Variants in ANKRA2 observed in about 807,000 individuals in gnomAD.
ANKRA2 encodes the protein ankyrin repeat family A protein 2.
A neutral mutation model predicts 37.8 loss-of-function variants in ANKRA2; 33 were observed. The observed-to-expected ratio is 0.87, with a 90% confidence interval of 0.66 to 1.17. ANKRA2 has a LOEUF of 1.17. Among genes scored for constraint, ANKRA2 ranks in the 50% most tolerant of loss-of-function variants. The pLI, the probability that ANKRA2 is intolerant of heterozygous loss-of-function variation, is 0.00. For synonymous variants in ANKRA2, 126 were observed against 132.3 expected (o/e 0.95, Z 0.33); for missense variants, 326 against 373.7 (o/e 0.87, Z 1.05).
chr5:73,560,284 C>T (rs1382534848), intron 3 of ANKRA2, among the ~76,000 whole-genome samples: 1 of 152,162 alleles, frequency 6.6e-6, no homozygotes, highest in Non-Finnish European at 1.5e-5. Flanking sequence ...TATCACCTCA[C>T]ATACTTATTT....
chr5:73,560,772 T>C lies in ANKRA2; in HGVS notation c.448+358A>G, dbSNP rs935707447. Among the ~76,000 whole-genome samples the C allele has an allele frequency of 6.6e-5, 10 of 152,356 alleles. No individual in the cohort carries two copies. The East Asian group carries it at 1.9e-3, about 29-fold the overall frequency. ...TGTCTAGCTAAAACTTTGTATCCTT[T>C]GATCAGTATCTCTACCTTTTCAGCA... On this transcript the variant is annotated intron_variant, in intron 3 of 8. Transcript: ENST00000296785.
chr5:73,564,219 C>CATTA (rs1471738031), intron 1 of ANKRA2, among the ~76,000 whole-genome samples: 2 of 152,070 alleles, frequency 1.3e-5, no homozygotes, highest in Non-Finnish European at 2.9e-5. Context: ...ATGTGCAATG[C>CATTA]ATTAGTCCAT....
intron 4 of ANKRA2, among the ~76,000 whole-genome samples, chr5:73,556,677 G>GA (rs1380266529): frequency 2.0e-4 from 31 of 151,996 alleles, no homozygotes; most frequent in Middle Eastern, 3.4e-3. Context: ...GAAGTCAAAG[G>GA]AAAAATGACA....
intron 3 of ANKRA2, among the ~76,000 whole-genome samples, chr5:73,560,671 C>G (rs998009934): frequency 2.0e-5 from 3 of 152,164 alleles, no homozygotes; most frequent in African/African-American, 7.2e-5. Context: ...CAGGTGTGAG[C>G]CACCATGCCC....
rs1309597774 is a variant in ANKRA2 at position 73,565,523 on chromosome 5, C to CT, written c.-497dup. ...GTTTTCTTTTTTTTGTCCCTCTCTC[C>CT]TTTTTTTTAATATTTTTGTTTTTGC... On this transcript the variant is annotated 5_prime_UTR_variant, in exon 1 of 9. Transcript: ENST00000296785. 18 of 254,760 alleles carry CT rather than the reference C, an allele frequency of 7.1e-5. No homozygotes were observed. The highest frequency in any genetic ancestry group is 2.2e-4 in the East Asian group (2 of 9,276). The allele number at this position is 254,760 out of a possible 1,614,324, so 15.8% of individuals were successfully genotyped here.
intron 2 of ANKRA2, 54 bp from the exon 3 acceptor site, chr5:73,561,342 G>A: frequency 6.7e-7 from 1 of 1,502,422 alleles, no homozygotes; most frequent in East Asian, 2.3e-5. Flanking sequence ...AGAGTTCTAT[G>A]TCAATGTCTA....
rs1386752228 is a variant in ANKRA2 at position 73,562,930 on chromosome 5, C to G, written c.-49G>C. 1 of 1,521,068 alleles carries G rather than the reference C, an allele frequency of 6.6e-7. No homozygotes were observed. The highest frequency in any genetic ancestry group is 2.0e-5 in the Admixed American group (1 of 49,662). 94.2% of individuals were successfully genotyped at this position (1,521,068 alleles called of 1,614,324 possible). A position where few individuals can be genotyped will look rare whatever the true frequency, so the allele number is the denominator to read the frequency against. On this transcript the variant is annotated 5_prime_UTR_variant, in exon 2 of 9. Coordinates refer to ENST00000296785, the MANE Select transcript of ANKRA2 (RefSeq NM_023039.5). Reference sequence around the variant, plus strand: ...CTAAAACATTTCTTCATGATTTCCTCTTGGTTTTGTAAGAGCAGTATCCAG... The same window carrying G: ...CTAAAACATTTCTTCATGATTTCCTGTTGGTTTTGTAAGAGCAGTATCCAG...
chr5:73,561,951 T>C (rs1053760843), intron 2 of ANKRA2, among the ~76,000 whole-genome samples: 1 of 152,152 alleles, frequency 6.6e-6, no homozygotes, highest in Non-Finnish European at 1.5e-5. Context: ...TAAATATTCA[T>C]AGAACAGGAA....
chr5:73,555,175 G>C, intron 5 of ANKRA2, 189 bp from the exon 6 acceptor site: 1 of 1,408,812 alleles, frequency 7.1e-7, no homozygotes, highest in Non-Finnish European at 9.2e-7. Flanking sequence ...CCTCCGTCCT[G>C]TATCAATCCT....
intron 1 of ANKRA2, among the ~76,000 whole-genome samples, chr5:73,564,107 T>C (rs927694223): frequency 1.3e-5 from 1 of 78,068 alleles, no homozygotes; most frequent in East Asian, 6.0e-4. Context: ...CATAGTATAG[T>C]AAGGAAAAAA....
At chr5:73,556,846 A>AT (rs1197234280) in intron 4 of ANKRA2, among the ~76,000 whole-genome samples, 1 of 151,888 alleles carries the variant, frequency 6.6e-6, no homozygotes, top group Non-Finnish European at 1.5e-5. Context: ...CTGAGATGCC[A>AT]TTTTTCACAC....
intron 2 of ANKRA2, 57 bp from the exon 3 acceptor site, chr5:73,561,345 A>C: frequency 6.7e-7 from 1 of 1,493,790 alleles, no homozygotes; most frequent in Non-Finnish European, 9.2e-7. Context: ...GTTCTATGTC[A>C]ATGTCTACAT....
rs1196494679 is a variant in ANKRA2 at position 73,565,298 on chromosome 5, G to C, written c.-271C>G. ...GCGGCGAGCGGATCCCGGGCACAGG[G>C]GCTGGAGGCCGACCCGGTGAGAGTG... is the stretch of plus-strand genomic sequence containing the variant. On this transcript the variant is annotated 5_prime_UTR_variant, in exon 1 of 9. Coordinates refer to ENST00000296785, the MANE Select transcript of ANKRA2 (RefSeq NM_023039.5). 1 of 153,108 alleles carries C rather than the reference G, an allele frequency of 6.5e-6. No individual in the cohort carries two copies. The highest frequency in any genetic ancestry group is 2.4e-5 in the African/African-American group (1 of 41,428). The allele number at this position is 153,108 out of a possible 1,614,324, so 9.5% of individuals were successfully genotyped here.
In ANKRA2 at chr5:73,562,742, C is replaced by G. The variant is rs766685687; in HGVS notation, c.140G>C (p.Gly47Ala). The G allele has an allele frequency of 5.0e-6, 8 of 1,614,054 alleles. No individual in the cohort carries two copies. Among genetic ancestry groups the G allele is most frequent in the Non-Finnish European group, 5.9e-6 (7 of 1,180,034 alleles). ...TATGAATTTCATTCCCATGGCAACACCCTGAGCTGACCCTTCTTCTGAATT... is the reference window on the plus strand; with the variant it reads ...TATGAATTTCATTCCCATGGCAACAGCCTGAGCTGACCCTTCTTCTGAATT... ...DPNSEEGSAQGVAMGMKFILP... is the reference protein window; with the variant it reads ...DPNSEEGSAQAVAMGMKFILP... Residue 47 changes from glycine to alanine, a missense_variant, in exon 2 of 9, where the codon GGT (glycine) becomes GCT (alanine). Transcript: ENST00000296785.
chr5:73,558,507 A>T (rs1241127456), intron 3 of ANKRA2, among the ~76,000 whole-genome samples: 1 of 152,096 alleles, frequency 6.6e-6, no homozygotes, highest in African/African-American at 2.4e-5. Context: ...TGAAGTCACA[A>T]ATGAAAAACT....
intron 3 of ANKRA2, among the ~76,000 whole-genome samples, chr5:73,559,189 T>C (rs1747479254): frequency 6.6e-6 from 1 of 152,210 alleles, no homozygotes; most frequent in Non-Finnish European, 1.5e-5. Flanking sequence ...CCTAGCTCAG[T>C]TGGTACAGTA....
chr5:73,559,426 T>C (rs1747485699), intron 3 of ANKRA2, among the ~76,000 whole-genome samples: 1 of 152,152 alleles, frequency 6.6e-6, no homozygotes, highest in African/African-American at 2.4e-5. Flanking sequence ...ACAATGATTC[T>C]ACTTTAAAAA....
chr5:73,554,268 G>C, intron 7 of ANKRA2, 54 bp downstream of exon 7: 1 of 1,501,458 alleles, frequency 6.7e-7, no homozygotes, highest in Non-Finnish European at 9.2e-7. Context: ...AGGCCAGGTC[G>C]AAAAAATAAA....
At position 73,561,306 on chromosome 5, in the gene ANKRA2, G is replaced by A; in HGVS notation, c.290-18C>T. On this transcript the variant is annotated intron_variant, in intron 2 of 8. Coordinates refer to ENST00000296785, the MANE Select transcript of ANKRA2 (RefSeq NM_023039.5). ...GCATTCAGCTAAGTGAAAAACAAAT[G>A]TAAACACATTAAAAGCATTTCAGTA... 6.2e-7 allele frequency: 1 copy of A among 1,604,784 alleles called. No homozygotes were observed. Among genetic ancestry groups the A allele is most frequent in the South Asian group, 1.1e-5 (1 of 90,372 alleles).
Sources: gnomAD v4.1 joint callset for allele counts (sites outside exome capture counted in the v4.1 genomes callset) on GRCh38, gnomAD v4.1.1 for gene constraint, MANE v1.5 for transcripts, NCBI Gene and HGNC (gene_info 2026-07-23, HGNC 2026-07-21) for gene names.